The following DNM3 variants were observed in gnomAD, a reference collection of about 807,000 sequenced individuals.
DNM3 encodes dynamin-3.
In DNM3, 47 loss-of-function variants were observed where a neutral mutation model predicts 101.6. The observed-to-expected ratio is 0.46, with a 90% CI of 0.37 to 0.59. DNM3 has a LOEUF of 0.59. Ranked by LOEUF, DNM3 falls within the 20% of genes least tolerant of loss-of-function variation. The probability of loss-of-function intolerance (pLI) is 0.00; values close to 1 mark genes in which losing one functional copy is unlikely to be tolerated. For synonymous variants in DNM3, 385 were observed against 387.9 expected, an observed-to-expected ratio of 0.99 and a Z score of 0.09; for missense variants, 849 against 1,085.7, an observed-to-expected ratio of 0.78 and a Z score of 3.06.
chr1:172,168,825 A>G (rs1232802034), intron 14 of DNM3, among the ~76,000 whole-genome samples: 1 of 151,932 alleles, frequency 6.6e-6, no homozygotes, highest in Non-Finnish European at 1.5e-5. Flanking sequence ...TTTTAAAATT[A>G]GGCATAGATT....
At chr1:172,247,656 C>CTTTCTTATTTATTTATTTAT (rs1553207717) in intron 14 of DNM3, among the ~76,000 whole-genome samples, 1 of 135,330 alleles carries the variant, frequency 7.4e-6, no homozygotes, top group Non-Finnish European at 1.6e-5. Context: ...ATTATTATTT[C>CTTTCTTATTTATTTATTTAT]TTATTTATTT....
intron 17 of DNM3, among the ~76,000 whole-genome samples, chr1:172,354,108 TGTGTGAGA>T (rs1445403055): frequency 2.0e-4 from 6 of 30,760 alleles, no homozygotes; most frequent in African/African-American, 4.8e-4. Flanking sequence ...TGTGTGTGTG[TGTGTGAGA>T]GAGAGAGAGA....
downstream of DNM3, among the ~76,000 whole-genome samples, chr1:172,416,645 T>C (rs2071434100): frequency 6.6e-6 from 1 of 152,174 alleles, no homozygotes; most frequent in Non-Finnish European, 1.5e-5. Flanking sequence ...GGACTTGCTG[T>C]TCAGTTTAAT....
chr1:171,949,404 C>T (rs1227494250), intron 2 of DNM3, among the ~76,000 whole-genome samples: 5 of 152,028 alleles, frequency 3.3e-5, no homozygotes, highest in Non-Finnish European at 7.4e-5. Flanking sequence ...AAAACCATAA[C>T]CAGGTATTAT....
chr1:172,126,152 T>C (rs1210026180), intron 13 of DNM3, among the ~76,000 whole-genome samples: 2 of 152,222 alleles, frequency 1.3e-5, no homozygotes, highest in African/African-American at 4.8e-5. Context: ...TTTGAGCTGA[T>C]TGTTATCAGA....
At chr1:171,990,793 G>GT (rs2045582168) in intron 4 of DNM3, among the ~76,000 whole-genome samples, 1 of 151,794 alleles carries the variant, frequency 6.6e-6, no homozygotes, top group African/African-American at 2.4e-5. Flanking sequence ...TTTCTTCTTG[G>GT]TTTCCTCCAC....
chr1:171,886,342 A>G (rs1272028550), intron 1 of DNM3, among the ~76,000 whole-genome samples: 1 of 152,190 alleles, frequency 6.6e-6, no homozygotes, highest in Non-Finnish European at 1.5e-5. Context: ...TATAAATCAG[A>G]TGGCCACTTA....
intron 4 of DNM3, among the ~76,000 whole-genome samples, chr1:171,999,029 A>C (rs1460868386): frequency 6.6e-6 from 1 of 152,046 alleles, no homozygotes; most frequent in African/African-American, 2.4e-5. Flanking sequence ...ATTTTTTTCA[A>C]AGTGGGCTGA....
At chr1:171,966,978 A>G (rs1019524202) in intron 2 of DNM3, among the ~76,000 whole-genome samples, 3 of 152,126 alleles carry the variant, frequency 2.0e-5, no homozygotes, top group East Asian at 3.9e-4. Flanking sequence ...AATAGCTCCT[A>G]TTGTTATGGA....
chr1:172,171,123 C>T (rs1361584875), intron 14 of DNM3, among the ~76,000 whole-genome samples: 1 of 151,604 alleles, frequency 6.6e-6, no homozygotes, highest in Non-Finnish European at 1.5e-5. Context: ...GACATACCTC[C>T]AATTGCTCTA....
Position 172,068,812 on chromosome 1 carries a change from T to A in DNM3, c.1336-7T>A. 3 of 1,564,222 alleles carry A rather than the reference T, an allele frequency of 1.9e-6. No homozygotes were observed. The South Asian group carries it at 3.5e-5, about 18-fold the overall frequency. Reference sequence around the variant, plus strand: ...GTATTAATACTCAGATCTGCTTTTCTTGACAGCTGGCAAACTTCCCCAGAC... The same window carrying A: ...GTATTAATACTCAGATCTGCTTTTCATGACAGCTGGCAAACTTCCCCAGAC... On this transcript the variant is annotated splice_polypyrimidine_tract_variant and splice_region_variant and intron_variant, in intron 10 of 20. Transcript: ENST00000627582.
In DNM3 at chr1:171,987,749, G is replaced by T; in HGVS notation, c.329G>T (p.Gly110Val). The change falls in exon 3 of 21, where the codon GGA becomes GTA. Residue 110 changes from glycine to valine, a missense_variant. Gly to Val is a moderately radical substitution (Grantham distance 109). Transcript: ENST00000627582. ...GAAGCAGAAACAGATCGCGTGACTGGAATGAATAAAGGCATTTCCTCCATA... is the reference window on the plus strand; with the variant it reads ...GAAGCAGAAACAGATCGCGTGACTGTAATGAATAAAGGCATTTCCTCCATA... ...EIEAETDRVT[G>V]MNKGISSIPI... The T allele has an allele frequency of 6.2e-7, 1 of 1,603,300 alleles. No homozygotes were observed. The highest frequency in any genetic ancestry group is 8.5e-7 in the Non-Finnish European group (1 of 1,176,186).
chr1:172,083,050 C>G (rs572441582), intron 12 of DNM3, among the ~76,000 whole-genome samples: 3 of 152,196 alleles, frequency 2.0e-5, no homozygotes, highest in Non-Finnish European at 4.4e-5. Flanking sequence ...CTGCCCACAC[C>G]CACTTCTTGA....
intron 1 of DNM3, among the ~76,000 whole-genome samples, chr1:171,891,736 T>C (rs145085958): frequency 1.3e-5 from 2 of 152,332 alleles, no homozygotes; most frequent in East Asian, 1.9e-4. Flanking sequence ...GGGAGAAAGA[T>C]CACAGAGGGA....
chr1:172,163,043 C>A (rs1348617686), intron 14 of DNM3, among the ~76,000 whole-genome samples: 1 of 151,936 alleles, frequency 6.6e-6, no homozygotes, highest in African/African-American at 2.4e-5. Context: ...GTATACTTGA[C>A]AAATAAAAAT....
intron 17 of DNM3, among the ~76,000 whole-genome samples, chr1:172,360,760 T>A (rs1430200693): frequency 6.6e-6 from 1 of 152,040 alleles, no homozygotes; most frequent in African/African-American, 2.4e-5. Flanking sequence ...CTGCCCTGCT[T>A]ACTTTAGCCA....
At chr1:172,153,337 G>T (rs1391610099) in intron 14 of DNM3, among the ~76,000 whole-genome samples, 1 of 152,142 alleles carries the variant, frequency 6.6e-6, no homozygotes, top group Admixed American at 6.5e-5. Flanking sequence ...TGGTGTTGTA[G>T]CAAATACCAT....
chr1:172,156,477 A>T (rs2058343311), intron 14 of DNM3, among the ~76,000 whole-genome samples: 1 of 152,080 alleles, frequency 6.6e-6, no homozygotes, highest in South Asian at 2.1e-4. Context: ...TTCATGTTCC[A>T]GACGATTCAG....
intron 1 of DNM3, among the ~76,000 whole-genome samples, chr1:171,859,130 A>G (rs1571280149): frequency 6.6e-6 from 1 of 152,236 alleles, no homozygotes; most frequent in Non-Finnish European, 1.5e-5. Context: ...CAGCTTCTCC[A>G]GGTTATGTGT....
Sources: gnomAD v4.1 joint callset for allele counts (sites outside exome capture counted in the v4.1 genomes callset) on GRCh38, gnomAD v4.1.1 for gene constraint, MANE v1.5 for transcripts, NCBI Gene and HGNC (gene_info 2026-07-23, HGNC 2026-07-21) for gene names.